SUCLG2: variants seen among roughly 807,000 people sequenced by gnomAD.
SUCLG2 encodes the protein succinate--CoA ligase [GDP-forming] subunit beta, mitochondrial.
SUCLG2 carries 42 observed loss-of-function variants against 47.9 expected under a neutral mutation model. The ratio of observed to expected loss-of-function variants is 0.88; its 90% CI spans 0.69 to 1.14. The LOEUF is 1.14. Among genes scored for constraint, SUCLG2 ranks in the 50% most tolerant of loss-of-function variants. The pLI, the probability that SUCLG2 is intolerant of heterozygous loss-of-function variation, is 0.00. For synonymous variants in SUCLG2, 195 were observed against 197.3 expected (o/e 0.99, Z 0.10); for missense variants, 571 against 525.9 (o/e 1.09, Z -0.84).
At chr3:67,420,112 A>C (rs1329377363) in intron 9 of SUCLG2, among the ~76,000 whole-genome samples, 1 of 152,224 alleles carries the variant, frequency 6.6e-6, no homozygotes, top group Non-Finnish European at 1.5e-5. Context: ...CATAAAGTAC[A>C]TACTTGCCAT....
intron 9 of SUCLG2, among the ~76,000 whole-genome samples, chr3:67,439,764 A>C (rs1431831958): frequency 6.6e-6 from 1 of 152,228 alleles, no homozygotes; most frequent in South Asian, 2.1e-4. Context: ...TTCCATGCTC[A>C]TGAATAGGAA....
chr3:67,425,068 GA>G (rs34517389), intron 9 of SUCLG2, among the ~76,000 whole-genome samples: 16,770 of 152,034 alleles, frequency 0.11, 1,051 homozygotes, highest in African/African-American at 0.16. Context: ...TTTTGCATTT[GA>G]ATTAAGCGCT....
downstream of SUCLG2, among the ~76,000 whole-genome samples, chr3:67,370,231 T>A (rs994439776): frequency 2.0e-5 from 3 of 152,120 alleles, no homozygotes; most frequent in African/African-American, 7.2e-5. Context: ...AAGGAAGCAA[T>A]CTTGGAAGAA....
In SUCLG2 at chr3:67,533,847, G is replaced by A. The variant is rs112461949; in HGVS notation, c.227-4661C>T. On this transcript the variant is annotated intron_variant, in intron 2 of 10. Transcript: ENST00000307227. ...ATGATACTGTAATAATTCTCCATAT[G>A]TCAAAAGGCATCTTTGAGACTGAAA... is the stretch of plus-strand genomic sequence containing the variant. Among the ~76,000 whole-genome samples the A allele has an allele frequency of 2.7e-3, 404 of 152,256 alleles. 5 individuals carry two copies. The highest frequency in any genetic ancestry group is 9.1e-3 in the African/African-American group (378 of 41,546).
intron 2 of SUCLG2, among the ~76,000 whole-genome samples, chr3:67,588,918 C>T (rs1708089475): frequency 6.6e-6 from 1 of 152,150 alleles, no homozygotes. Context: ...TCCTAACAAT[C>T]CCTTGTTTAA....
intron 9 of SUCLG2, among the ~76,000 whole-genome samples, chr3:67,401,693 G>T (rs12485670): frequency 1.3e-5 from 2 of 151,684 alleles, no homozygotes; most frequent in East Asian, 3.9e-4. Context: ...TAGATTAATT[G>T]ATAACACCCA....
chr3:67,644,438 C>T (rs1388802011), intron 1 of SUCLG2, among the ~76,000 whole-genome samples: 1 of 151,876 alleles, frequency 6.6e-6, no homozygotes, highest in Non-Finnish European at 1.5e-5. Flanking sequence ...GGCAAATTCA[C>T]AGAGATCAAA....
intron 10 of SUCLG2, among the ~76,000 whole-genome samples, chr3:67,392,573 A>G (rs1486324768): frequency 1.3e-5 from 2 of 152,150 alleles, no homozygotes; most frequent in Admixed American, 1.3e-4. Context: ...AGTAATTGAA[A>G]TTTATCCCAT....
At chr3:67,640,266 A>G (rs557951070) in intron 1 of SUCLG2, among the ~76,000 whole-genome samples, 1 of 152,210 alleles carries the variant, frequency 6.6e-6, no homozygotes, top group Non-Finnish European at 1.5e-5. Context: ...TGCTCTGGGC[A>G]GCACTGTTTC....
intron 9 of SUCLG2, among the ~76,000 whole-genome samples, chr3:67,451,864 A>G (rs577080080): frequency 2.0e-5 from 3 of 152,240 alleles, no homozygotes; most frequent in Middle Eastern, 3.4e-3. Flanking sequence ...GAAGAACCTG[A>G]TGTGTAGTGT....
chr3:67,569,403 T>TGG (rs1707551824), intron 2 of SUCLG2, among the ~76,000 whole-genome samples: 3 of 152,208 alleles, frequency 2.0e-5, no homozygotes, highest in Admixed American at 1.3e-4. Context: ...TGATCATATT[T>TGG]ACTCTCACCT....
intron 2 of SUCLG2, among the ~76,000 whole-genome samples, chr3:67,544,895 T>C (rs1379807330): frequency 2.0e-5 from 3 of 152,228 alleles, no homozygotes; most frequent in African/African-American, 7.2e-5. Context: ...TTAAAGTTTA[T>C]TTCCCTATGT....
chr3:67,397,467 G>A (rs972501473), intron 10 of SUCLG2, among the ~76,000 whole-genome samples: 6 of 152,290 alleles, frequency 3.9e-5, no homozygotes, highest in Middle Eastern at 3.4e-3. Flanking sequence ...TACAAAGGGC[G>A]TGAAGGACCT....
intron 1 of SUCLG2, among the ~76,000 whole-genome samples, chr3:67,651,606 G>A (rs1559613567): frequency 1.3e-5 from 2 of 152,168 alleles, no homozygotes; most frequent in Admixed American, 6.5e-5. Context: ...CCTTTGTAGG[G>A]TGGAGGTAGT....
At chr3:67,363,533 A>G (rs373895165) in intron 10 of SUCLG2, among the ~76,000 whole-genome samples, 1 of 152,216 alleles carries the variant, frequency 6.6e-6, no homozygotes, top group African/African-American at 2.4e-5. Flanking sequence ...ATAAGGCTAC[A>G]CATAGTGCAA....
At chr3:67,451,535 TTTG>T (rs1242401767) in intron 9 of SUCLG2, among the ~76,000 whole-genome samples, 1 of 152,116 alleles carries the variant, frequency 6.6e-6, no homozygotes, top group Non-Finnish European at 1.5e-5. Context: ...AAATTCACAT[TTTG>T]TTGTCCTAGC....
intron 10 of SUCLG2, among the ~76,000 whole-genome samples, chr3:67,397,891 A>T (rs1278935310): frequency 1.3e-5 from 2 of 151,522 alleles, no homozygotes; most frequent in Admixed American, 6.6e-5. Flanking sequence ...CTGATCTTTG[A>T]CTAACCTGAC....
chr3:67,606,239 A>G (rs1335255406), intron 2 of SUCLG2, among the ~76,000 whole-genome samples: 1 of 152,082 alleles, frequency 6.6e-6, no homozygotes, highest in Non-Finnish European at 1.5e-5. Context: ...AGTAAAAAGC[A>G]TGGTACACAA....
At chr3:67,583,929 T>C (rs1221256531) in intron 2 of SUCLG2, among the ~76,000 whole-genome samples, 1 of 152,208 alleles carries the variant, frequency 6.6e-6, no homozygotes. Flanking sequence ...AATCTCCTGA[T>C]CTTAAGGTCA....
Sources: gnomAD v4.1 joint callset for allele counts (sites outside exome capture counted in the v4.1 genomes callset) on GRCh38, gnomAD v4.1.1 for gene constraint, MANE v1.5 for transcripts, NCBI Gene and HGNC (gene_info 2026-07-23, HGNC 2026-07-21) for gene names.